Variants in ADGRL2 observed in about 807,000 individuals in gnomAD.
The protein encoded by ADGRL2 is calcium-independent alpha-latrotoxin receptor 2.
Under a neutral mutation model 157.4 loss-of-function variants are expected in ADGRL2, and 44 were observed. That is an observed-to-expected ratio of 0.28 (90% CI 0.22 to 0.36). The LOEUF (loss-of-function observed/expected upper bound fraction) is 0.36, where lower values mean the gene tolerates loss of function less well. Among genes scored for constraint, ADGRL2 ranks in the 10% least tolerant of loss-of-function variants. The probability of loss-of-function intolerance (pLI) is 1.00; values close to 1 mark genes in which losing one functional copy is unlikely to be tolerated. For synonymous variants in ADGRL2, 585 were observed against 624.7 expected, an observed-to-expected ratio of 0.94 and a Z score of 0.95; for missense variants, 1,510 against 1,768.9, an observed-to-expected ratio of 0.85 and a Z score of 2.63.
At chr1:81,602,364 G>A (rs564613307) in intron 3 of ADGRL2, among the ~76,000 whole-genome samples, 3 of 152,280 alleles carry the variant, frequency 2.0e-5, no homozygotes, top group Non-Finnish European at 4.4e-5. Flanking sequence ...GGAGGCTGAG[G>A]CAGGTAGATC....
intron 1 of ADGRL2, among the ~76,000 whole-genome samples, chr1:81,378,904 T>C (rs2076297570): frequency 6.6e-6 from 1 of 152,176 alleles, no homozygotes; most frequent in Non-Finnish European, 1.5e-5. Context: ...TACCCTTCCT[T>C]TCAAGAGATG....
chr1:81,583,562 A>T (rs6702189), intron 3 of ADGRL2, among the ~76,000 whole-genome samples: 116,204 of 151,982 alleles, frequency 0.76, 44,692 homozygotes, highest in East Asian at 0.83. Flanking sequence ...ACGTTTACTT[A>T]TTTTACTCTT....
rs139337777 is a variant in ADGRL2 at position 81,408,109 on chromosome 1, C to T, written c.-301-36927C>T. Among the ~76,000 whole-genome samples the T allele has an allele frequency of 9.9e-5, 15 of 152,254 alleles. No homozygotes were observed. The East Asian group carries it at 2.9e-3, about 29-fold the overall frequency. On this transcript the variant is annotated intron_variant, in intron 1 of 24. Coordinates refer to the ADGRL2 transcript ENST00000370721. Reference sequence around the variant, plus strand: ...AGATCTCATTTGTTACGATGTACATCTATTGTGTTTGTAATTGCTGTGATC... The same window carrying T: ...AGATCTCATTTGTTACGATGTACATTTATTGTGTTTGTAATTGCTGTGATC...
intron 1 of ADGRL2, among the ~76,000 whole-genome samples, chr1:81,329,611 G>A (rs1378557116): frequency 6.6e-6 from 1 of 152,082 alleles, no homozygotes. Context: ...GTCTGCCTGA[G>A]CAGCATCATA....
At chr1:81,625,846 T>G (rs2081898659) in intron 3 of ADGRL2, 1 of 152,212 alleles carries the variant, frequency 6.6e-6, no homozygotes, top group Non-Finnish European at 1.5e-5. Context: ...GTAAGCATCT[T>G]TAGAACAAAC....
intron 3 of ADGRL2, among the ~76,000 whole-genome samples, chr1:81,616,285 C>T (rs2081645008): frequency 1.3e-5 from 2 of 152,140 alleles, no homozygotes; most frequent in Non-Finnish European, 2.9e-5. Context: ...CAATCCCTAC[C>T]TCTCTCCCCA....
At chr1:81,719,966 AC>A (rs2084244409) in intron 1 of ADGRL2, among the ~76,000 whole-genome samples, 1 of 151,240 alleles carries the variant, frequency 6.6e-6, no homozygotes, top group East Asian at 2.0e-4. Flanking sequence ...ACCACATTCC[AC>A]CCCCTGCCAT....
chr1:81,715,895 T>C (rs9728534), intron 1 of ADGRL2, among the ~76,000 whole-genome samples: 27,569 of 151,948 alleles, frequency 0.18, 2,601 homozygotes, highest in South Asian at 0.29. Context: ...TCAAGAAAGG[T>C]AAGATGTTCT....
chr1:81,787,257 T>C (rs1166885820), intron 2 of ADGRL2, among the ~76,000 whole-genome samples: 2 of 152,204 alleles, frequency 1.3e-5, no homozygotes, highest in African/African-American at 4.8e-5. Flanking sequence ...TCATGTGTCA[T>C]TTCTTGGTGA....
In ADGRL2 at chr1:81,966,225, G is replaced by T. The variant is rs547890958; in HGVS notation, c.2143+42G>T. On this transcript the variant is annotated intron_variant, in intron 12 of 23. Coordinates refer to ENST00000686636, the MANE Select transcript of ADGRL2 (RefSeq NM_001366006.2). ...TTAAAAATTGACAGTTTTTGTTGTT[G>T]TTCAAAAACCTATTAATTCTAAAAT... is the stretch of plus-strand genomic sequence containing the variant. The T allele has an allele frequency of 7.0e-5, 112 of 1,611,284 alleles. 2 individuals carry two copies. In the South Asian group the frequency reaches 1.2e-3, roughly 17 times the overall value.
rs75856085 is a variant in ADGRL2 at position 81,528,365 on chromosome 1, G to A, written c.-247-52511G>A. ...GGTTCTTTAGAATAGAAACTGACCC[G>A]GCCCGGCGCGGTGGCTCACGCCTGT... On this transcript the variant is annotated intron_variant, in intron 2 of 24. Coordinates refer to the ADGRL2 transcript ENST00000370721. Among the ~76,000 whole-genome samples, 283 of 152,148 alleles carry A rather than the reference G, an allele frequency of 1.9e-3. 1 individual carries two copies. The highest frequency in any genetic ancestry group is 6.6e-3 in the African/African-American group (273 of 41,516).
At chr1:81,785,071 C>A (rs1219287404) in intron 2 of ADGRL2, among the ~76,000 whole-genome samples, 1 of 152,042 alleles carries the variant, frequency 6.6e-6, no homozygotes, top group Admixed American at 6.6e-5. Context: ...GAAGGGGATC[C>A]AATCATATTT....
chr1:81,423,576 C>T (rs548628029), intron 1 of ADGRL2, among the ~76,000 whole-genome samples: 133 of 152,286 alleles, frequency 8.7e-4, no homozygotes, highest in Non-Finnish European at 1.2e-3. Context: ...GAATAATAAT[C>T]TAGCATAATT....
At chr1:81,552,406 G>A (rs1463369045) in intron 2 of ADGRL2, among the ~76,000 whole-genome samples, 1 of 151,992 alleles carries the variant, frequency 6.6e-6, no homozygotes, top group East Asian at 1.9e-4. Context: ...GCTCTATAAA[G>A]GTTTCTGGAA....
chr1:81,795,166 C>T (rs1044151921), intron 2 of ADGRL2, among the ~76,000 whole-genome samples: 2 of 152,030 alleles, frequency 1.3e-5, no homozygotes, highest in African/African-American at 4.8e-5. Flanking sequence ...ACTGCTTGAA[C>T]TGAGGCGTTC....
intron 1 of ADGRL2, among the ~76,000 whole-genome samples, chr1:81,803,244 C>G (rs2088573950): frequency 6.6e-6 from 1 of 152,018 alleles, no homozygotes; most frequent in Non-Finnish European, 1.5e-5. Flanking sequence ...GCTGGGGCGA[C>G]CCTCAGGCAG....
chr1:81,550,741 C>A (rs759319496), intron 2 of ADGRL2, among the ~76,000 whole-genome samples: 1 of 151,880 alleles, frequency 6.6e-6, no homozygotes, highest in Non-Finnish European at 1.5e-5. Flanking sequence ...TCCAAAGTAT[C>A]CCTATCAGAA....
chr1:81,481,656 A>G (rs767888379), intron 2 of ADGRL2, among the ~76,000 whole-genome samples: 1 of 152,198 alleles, frequency 6.6e-6, no homozygotes, highest in Admixed American at 6.5e-5. Context: ...TCTCTGGCAC[A>G]TAGCTAAATA....
chr1:81,958,504 C>T (rs1331779018), intron 11 of ADGRL2, among the ~76,000 whole-genome samples: 1 of 152,034 alleles, frequency 6.6e-6, no homozygotes, highest in African/African-American at 2.4e-5. Flanking sequence ...ATTTGATTTT[C>T]CTCCTTAGTG....
Sources: allele counts gnomAD v4.1 joint callset (sites outside exome capture counted in the v4.1 genomes callset), GRCh38; gene constraint gnomAD v4.1.1; transcripts MANE v1.5; gene names NCBI Gene and HGNC (gene_info 2026-07-23, HGNC 2026-07-21).